HCN1: variants seen among roughly 807,000 people sequenced by gnomAD.
HCN1 encodes potassium/sodium hyperpolarization-activated cyclic nucleotide-gated channel 1.
A neutral mutation model predicts 78.9 loss-of-function variants in HCN1; 13 were observed. The ratio of observed to expected loss-of-function variants is 0.16; its 90% CI spans 0.11 to 0.26. The LOEUF (loss-of-function observed/expected upper bound fraction) is 0.26, where lower values mean the gene tolerates loss of function less well. HCN1 is among the 10% of genes least tolerant of loss of function. The pLI is 1.00. For missense variants in HCN1, 810 were observed against 1,154.3 expected (o/e 0.70, Z 4.32); for synonymous variants, 552 against 455.5 (o/e 1.21, Z -2.70).
intron 3 of HCN1, among the ~76,000 whole-genome samples, chr5:45,426,944 C>T (rs1422373671): frequency 6.6e-6 from 1 of 152,020 alleles, no homozygotes; most frequent in African/African-American, 2.4e-5. Flanking sequence ...GTATACTCAA[C>T]AGTCTTGCAA....
chr5:45,641,615 C>T (rs1663494958), intron 2 of HCN1: 1 of 152,118 alleles, frequency 6.6e-6, no homozygotes. Flanking sequence ...TATAATGATG[C>T]ATTTCCCACT....
At chr5:45,457,525 T>C (rs1741051184) in intron 3 of HCN1, among the ~76,000 whole-genome samples, 2 of 151,818 alleles carry the variant, frequency 1.3e-5, no homozygotes, top group African/African-American at 2.4e-5. Flanking sequence ...GCAAAGTTAC[T>C]TCCTGTTCAC....
intron 1 of HCN1, among the ~76,000 whole-genome samples, chr5:45,684,100 G>T (rs1461120282): frequency 1.3e-5 from 2 of 152,174 alleles, no homozygotes; most frequent in South Asian, 2.1e-4. Flanking sequence ...CTTAATTTGG[G>T]TTCCAAAAAT....
intron 4 of HCN1, among the ~76,000 whole-genome samples, chr5:45,391,190 C>T (rs978451846): frequency 6.6e-6 from 1 of 152,128 alleles, no homozygotes; most frequent in Non-Finnish European, 1.5e-5. Flanking sequence ...AAGTGAAATG[C>T]TTGATTGAAA....
rs561936916 is a variant in HCN1, at chr5:45,271,758, T to G, written c.1619-4505A>C. The stretch of plus-strand genomic sequence containing the variant: ...TAATGAAATAAATTATTTAATCACC[T>G]ACAAAAATTCCCTTTGTATTTAATG... On this transcript the variant is annotated intron_variant, in intron 6 of 7. Transcript: ENST00000303230. Among the ~76,000 whole-genome samples the G allele has an allele frequency of 6.6e-5, 10 of 152,284 alleles. No homozygotes were observed. In the South Asian group the frequency reaches 2.1e-3, roughly 32 times the overall value.
At chr5:45,466,136 G>C (rs1741266404) in intron 2 of HCN1, among the ~76,000 whole-genome samples, 1 of 152,028 alleles carries the variant, frequency 6.6e-6, no homozygotes, top group Admixed American at 6.6e-5. Context: ...TTTTTAAAAG[G>C]TCTTTCTAAA....
At chr5:45,456,759 G>C (rs914262555) in intron 3 of HCN1, among the ~76,000 whole-genome samples, 3 of 151,940 alleles carry the variant, frequency 2.0e-5, no homozygotes, top group African/African-American at 7.2e-5. Context: ...TAGATTGTGT[G>C]ATTTTATACA....
chr5:45,625,831 A>C (rs542656372), intron 2 of HCN1, among the ~76,000 whole-genome samples: 21 of 152,236 alleles, frequency 1.4e-4, no homozygotes, highest in Non-Finnish European at 2.2e-4. Flanking sequence ...AAAAAAAAAA[A>C]TTCATTGTCT....
chr5:45,557,729 T>C (rs1273886954), intron 2 of HCN1, among the ~76,000 whole-genome samples: 2 of 152,138 alleles, frequency 1.3e-5, no homozygotes, highest in Non-Finnish European at 2.9e-5. Context: ...TGATCTTTGA[T>C]GTTACTAATG....
intron 2 of HCN1, among the ~76,000 whole-genome samples, chr5:45,524,100 C>T (rs1165223330): frequency 6.6e-6 from 1 of 152,160 alleles, no homozygotes; most frequent in Non-Finnish European, 1.5e-5. Context: ...TTTCCCAGCA[C>T]CATTTATTAA....
chr5:45,507,286 A>G (rs1309297674), intron 2 of HCN1, among the ~76,000 whole-genome samples: 8 of 152,038 alleles, frequency 5.3e-5, no homozygotes, highest in Non-Finnish European at 4.4e-5. Flanking sequence ...TTGCCTATCT[A>G]TTGGAGAGGA....
chr5:45,275,211 A>C (rs1056330032), intron 6 of HCN1, among the ~76,000 whole-genome samples: 4 of 151,866 alleles, frequency 2.6e-5, no homozygotes, highest in Non-Finnish European at 5.9e-5. Context: ...GTGCCACTGC[A>C]CTACAGCCTC....
At chr5:45,340,980 C>T (rs1746567679) in intron 5 of HCN1, among the ~76,000 whole-genome samples, 1 of 152,132 alleles carries the variant, frequency 6.6e-6, no homozygotes. Context: ...AGTAAAAAAT[C>T]CTTTTTGCAT....
chr5:45,441,070 A>G (rs1206523005), intron 3 of HCN1, among the ~76,000 whole-genome samples: 1 of 152,054 alleles, frequency 6.6e-6, no homozygotes, highest in Non-Finnish European at 1.5e-5. Context: ...GAGTTTTCTG[A>G]TTAAATGTCA....
Position 45,256,664 on chromosome 5 carries a change from G to A in HCN1, c.*5257C>T, listed in dbSNP as rs1490178489. On this transcript the variant is annotated 3_prime_UTR_variant, in exon 8 of 8. Transcript: ENST00000303230. Reference sequence around the variant, plus strand: ...CCTGCCTTAACTTTCTGAGTAACTAGGACTACAGGAATACACCACCTATAG... The same window carrying A: ...CCTGCCTTAACTTTCTGAGTAACTAAGACTACAGGAATACACCACCTATAG... The A allele has an allele frequency of 6.6e-6, 1 of 152,158 alleles. No individual in the cohort carries two copies. 9.4% of individuals were successfully genotyped at this position (152,158 alleles called of 1,614,324 possible). A position where few individuals can be genotyped will look rare whatever the true frequency, so the allele number is the denominator to read the frequency against.
intron 5 of HCN1, among the ~76,000 whole-genome samples, chr5:45,333,609 A>G (rs1209461965): frequency 1.3e-5 from 2 of 151,778 alleles, no homozygotes; most frequent in Non-Finnish European, 2.9e-5. Flanking sequence ...TAGTAGCTTT[A>G]TAGTTTGATG....
In HCN1 at chr5:45,407,180, T is replaced by A. The variant is rs189358743; in HGVS notation, c.1012-10470A>T. On this transcript the variant is annotated intron_variant, in intron 3 of 7. Coordinates refer to ENST00000303230, the MANE Select transcript of HCN1 (RefSeq NM_021072.4). ...TTTCAGTTAATGATGGACCGTACAT[T>A]CAGCAGTGGTTCTATAAGAAGATGA... 3.1e-4 allele frequency among the ~76,000 whole-genome samples: 47 copies of A among 152,262 alleles called. 1 individual carries two copies. In the East Asian group the frequency reaches 7.0e-3, roughly 23 times the overall value.
At chr5:45,414,477 T>G (rs1740082422) in intron 3 of HCN1, among the ~76,000 whole-genome samples, 1 of 152,010 alleles carries the variant, frequency 6.6e-6, no homozygotes, top group African/African-American at 2.4e-5. Context: ...CTGAATTCAT[T>G]TAACCTGAGT....
intron 5 of HCN1, among the ~76,000 whole-genome samples, chr5:45,321,394 A>G (rs1388510597): frequency 6.6e-6 from 1 of 151,900 alleles, no homozygotes; most frequent in African/African-American, 2.4e-5. Context: ...GAGGAAAAGT[A>G]TTGCCAAGGC....
Sources: allele counts gnomAD v4.1 joint callset (sites outside exome capture counted in the v4.1 genomes callset), GRCh38; gene constraint gnomAD v4.1.1; transcripts MANE v1.5; gene names NCBI Gene and HGNC (gene_info 2026-07-23, HGNC 2026-07-21).